Variants in RNF19A observed in about 807,000 individuals in gnomAD.
The protein encoded by RNF19A is E3 ubiquitin-protein ligase RNF19A.
RNF19A carries 32 observed loss-of-function variants against 75.7 expected under a neutral mutation model. That is an observed-to-expected ratio of 0.42 (90% CI 0.32 to 0.57). The LOEUF (loss-of-function observed/expected upper bound fraction) is 0.57, where lower values mean the gene tolerates loss of function less well. RNF19A is among the 20% of genes least tolerant of loss of function. RNF19A has a pLI of 0.10. For synonymous variants in RNF19A, 335 were observed against 345.2 expected, an observed-to-expected ratio of 0.97 and a Z score of 0.33; for missense variants, 782 against 1,036.3, an observed-to-expected ratio of 0.75 and a Z score of 3.37.
At position 100,259,154 on chromosome 8, in the gene RNF19A, C is replaced by T. The variant is rs1402759319; in HGVS notation, c.1919G>A (p.Ser640Asn). ...NSGSSSVDDGSATRSHAGGSS... is the reference protein window; with the variant it reads ...NSGSSSVDDGNATRSHAGGSS... ...ACCGCCAGCATGACTTCGGGTGGCACTGCCATCATCCACACTACTGCTTCC... is the reference window on the plus strand; with the variant it reads ...ACCGCCAGCATGACTTCGGGTGGCATTGCCATCATCCACACTACTGCTTCC... Residue 640 changes from serine to asparagine, a missense_variant, in exon 10 of 10, where the codon AGT becomes AAT. Ser to Asn is a conservative substitution (Grantham distance 46, BLOSUM62 1). This residue lies in a region of RNF19A where 442 missense variants were observed against 541.6 expected (regional missense o/e 0.82). Transcript: ENST00000341084. The surrounding 1 kb of genome is among the most constrained non-coding windows in gnomAD (Gnocchi z 4.5). 1.2e-6 allele frequency: 2 copies of T among 1,614,052 alleles called. No homozygotes were observed. Among genetic ancestry groups the T allele is most frequent in the East Asian group, 2.2e-5 (1 of 44,902 alleles).
chr8:100,275,232 A>T lies in RNF19A; in HGVS notation c.675-71T>A. 2 of 1,320,806 alleles carry T rather than the reference A, an allele frequency of 1.5e-6. No individual in the cohort carries two copies. Among genetic ancestry groups the T allele is most frequent in the Non-Finnish European group, 2.2e-6 (2 of 928,904 alleles). 81.8% of individuals were successfully genotyped at this position (1,320,806 alleles called of 1,614,324 possible). ...AGATACTCATTTCAAAAAGTATCCA[A>T]CTAAAGATTATTCCTGAAAAACATT... On this transcript the variant is annotated intron_variant, in intron 2 of 9. Transcript: ENST00000341084. This position sits in a 1 kb window ranked among gnomAD's most constrained non-coding sequence, Gnocchi z 4.3.
At position 100,288,144 on chromosome 8, in the gene RNF19A, T is replaced by C. The variant is rs1482977965; in HGVS notation, c.31A>G (p.Lys11Glu). Residue 11 changes from lysine (K) to glutamate (E), a missense_variant, in exon 2 of 10, where the codon AAA becomes GAA. Lys to Glu is a moderately conservative substitution (Grantham distance 56). Transcript: ENST00000341084. ...TTTACACACAGCCCTTCATTATATT[T>C]AGAGATAAAACCTATTTCTTGTTCT... MQEQEIGFIS[K>E]YNEGLCVNTD... 2 of 1,610,662 alleles carry C rather than the reference T, an allele frequency of 1.2e-6. No individual in the cohort carries two copies. Among genetic ancestry groups the C allele is most frequent in the East Asian group, 2.2e-5 (1 of 44,848 alleles).
At chr8:100,305,784 C>G (rs1286801155) in intron 1 of RNF19A, among the ~76,000 whole-genome samples, 1 of 152,204 alleles carries the variant, frequency 6.6e-6, no homozygotes, top group Non-Finnish European at 1.5e-5. Flanking sequence ...TCCTATACTT[C>G]TGCACATTTC....
In RNF19A at chr8:100,324,886, T is replaced by TC. The variant is rs1437776532; in HGVS notation, c.-243+11221_-243+11222insG. Among the ~76,000 whole-genome samples the TC allele has an allele frequency of 8.3e-5, 9 of 108,844 alleles. No individual in the cohort carries two copies. The highest frequency in any genetic ancestry group is 3.7e-4 in the African/African-American group (8 of 21,646). 71.4% of individuals were successfully genotyped at this position (108,844 alleles called of 152,430 possible). ...TCTCTCTTTCTCTTTTTTTTCTTTC[T>TC]TTCTCTCTCTCTCTTTCTCTCTTTC... On this transcript the variant is annotated intron_variant, in intron 1 of 3. Transcript: ENST00000519527. The surrounding 1 kb of genome is among the most constrained non-coding windows in gnomAD (Gnocchi z 4.2).
At chr8:100,286,420 T>C (rs1234144865) in intron 2 of RNF19A, among the ~76,000 whole-genome samples, 1 of 152,250 alleles carries the variant, frequency 6.6e-6, no homozygotes, top group Admixed American at 6.5e-5. Context: ...ATACAACTAA[T>C]TCATAAAATA....
Position 100,259,410 on chromosome 8 carries a change from C to G in RNF19A, c.1827-164G>C, listed in dbSNP as rs1303630641. On this transcript the variant is annotated intron_variant, in intron 9 of 9. Coordinates refer to ENST00000341084, the MANE Select transcript of RNF19A (RefSeq NM_183419.4). This position sits in a 1 kb window ranked among gnomAD's most constrained non-coding sequence, Gnocchi z 4.5. ...AAAAAACATACTTGATATAACAGAA[C>G]TCTTTATAATGCTTCAATGTTTTAA... The G allele has an allele frequency of 1.6e-6, 1 of 612,746 alleles. No individual in the cohort carries two copies. Among genetic ancestry groups the G allele is most frequent in the East Asian group, 2.8e-5 (1 of 36,300 alleles). 38.0% of individuals were successfully genotyped at this position (612,746 alleles called of 1,614,324 possible).
chr8:100,290,322 G>A (rs750368550), intron 1 of RNF19A, among the ~76,000 whole-genome samples: 1 of 152,112 alleles, frequency 6.6e-6, no homozygotes, highest in Non-Finnish European at 1.5e-5. Flanking sequence ...GGCTGGCCTC[G>A]AACTCCTGAC....
chr8:100,264,166 C>T lies in RNF19A; in HGVS notation c.1336G>A (p.Val446Ile), dbSNP rs1213502213. The T allele has an allele frequency of 1.2e-6, 2 of 1,612,904 alleles. No individual in the cohort carries two copies. Among genetic ancestry groups the T allele is most frequent in the East Asian group, 2.2e-5 (1 of 44,878 alleles). Residue 446 changes from valine (V) to isoleucine (I), a missense_variant, in exon 7 of 10, where the codon GTC (valine) becomes ATC (isoleucine). Val to Ile is a conservative substitution (Grantham distance 29). Coordinates refer to ENST00000341084, the MANE Select transcript of RNF19A (RefSeq NM_183419.4). The surrounding 1 kb of genome is among the most constrained non-coding windows in gnomAD (Gnocchi z 4.7). ...AGAGAAATTGGAACTACGCCATAGA[C>T]ATAAGCTAACATAATAGGAACACCG... ...GIGVPIMLAYVYGVVPISLCR... is the reference protein window; with the variant it reads ...GIGVPIMLAYIYGVVPISLCR...
chr8:100,279,755 G>A (rs184431112), intron 2 of RNF19A, among the ~76,000 whole-genome samples: 1 of 152,096 alleles, frequency 6.6e-6, no homozygotes, highest in Non-Finnish European at 1.5e-5. Flanking sequence ...TCGAACTCCA[G>A]ACCTCAAGTG....
Position 100,329,467 on chromosome 8 carries a change from A to T in RNF19A, c.-243+6641T>A, listed in dbSNP as rs929761603. Among the ~76,000 whole-genome samples the T allele has an allele frequency of 5.3e-5, 8 of 152,226 alleles. No individual in the cohort carries two copies. Among genetic ancestry groups the T allele is most frequent in the African/African-American group, 1.9e-4 (8 of 41,462 alleles). On this transcript the variant is annotated intron_variant, in intron 1 of 3. Coordinates refer to the RNF19A transcript ENST00000519527. This position sits in a 1 kb window ranked among gnomAD's most constrained non-coding sequence, Gnocchi z 4.3. Reference sequence around the variant, plus strand: ...ACAAAACAAACAAACAAACAAAAAAAGTCAGTGAATCTTAGGTTGCATTAG... The same window carrying T: ...ACAAAACAAACAAACAAACAAAAAATGTCAGTGAATCTTAGGTTGCATTAG...
chr8:100,312,671 C>T (rs1213187176), upstream of RNF19A, among the ~76,000 whole-genome samples: 1 of 152,180 alleles, frequency 6.6e-6, no homozygotes, highest in Non-Finnish European at 1.5e-5. Context: ...CGCCTGTAAT[C>T]CCGGCACTTT....
chr8:100,304,842 G>C (rs1822000669), intron 1 of RNF19A, among the ~76,000 whole-genome samples: 2 of 152,158 alleles, frequency 1.3e-5, no homozygotes, highest in African/African-American at 4.8e-5. Flanking sequence ...AATAATTAGA[G>C]GATCTCTTTT....
chr8:100,315,818 T>C (rs1345727788), intron 1 of RNF19A, among the ~76,000 whole-genome samples: 1 of 152,196 alleles, frequency 6.6e-6, no homozygotes, highest in Non-Finnish European at 1.5e-5. Context: ...TAATCTTGCT[T>C]GTTAAAATAG....
In RNF19A at chr8:100,288,261, G is replaced by C; in HGVS notation, c.-87C>G. 7.3e-7 allele frequency: 1 copy of C among 1,368,756 alleles called. No homozygotes were observed. Among genetic ancestry groups the C allele is most frequent in the Non-Finnish European group, 9.4e-7 (1 of 1,059,906 alleles). The allele number at this position is 1,368,756 out of a possible 1,614,324, so 84.8% of individuals were successfully genotyped here. On this transcript the variant is annotated 5_prime_UTR_variant, in exon 2 of 10. Coordinates refer to ENST00000341084, the MANE Select transcript of RNF19A (RefSeq NM_183419.4). ...TCGATTTACAGAAGACTGCTATCAT[G>C]GATGTTCTGAAAAATAAAAAATAAA...
Position 100,331,646 on chromosome 8 carries a change from CA to C in RNF19A, c.-243+4461del, listed in dbSNP as rs1404370893. Among the ~76,000 whole-genome samples the C allele has an allele frequency of 1.3e-5, 2 of 151,974 alleles. No homozygotes were observed. The highest frequency in any genetic ancestry group is 6.6e-5 in the Admixed American group (1 of 15,258). On this transcript the variant is annotated intron_variant, in intron 1 of 3. Coordinates refer to the RNF19A transcript ENST00000519527. This position sits in a 1 kb window ranked among gnomAD's most constrained non-coding sequence, Gnocchi z 5.2. ...AGAGAGACAAACAAACAAAACAAAA[CA>C]AAAACCAGATATACGGCGCAAAATT...
Position 100,260,942 on chromosome 8 carries a change from T to C in RNF19A, c.1682+600A>G, listed in dbSNP as rs1007727642. Among the ~76,000 whole-genome samples, 1 of 152,196 alleles carries C rather than the reference T, an allele frequency of 6.6e-6. No individual in the cohort carries two copies. ...AGTCCCATCTCCTAATATCTGGCTG[T>C]TGTTACCCACAGAGGTAAGATCTAG... On this transcript the variant is annotated intron_variant, in intron 8 of 9. Transcript: ENST00000341084. This position sits in a 1 kb window ranked among gnomAD's most constrained non-coding sequence, Gnocchi z 4.1.
chr8:100,273,043 T>A (rs1230652733), intron 3 of RNF19A, among the ~76,000 whole-genome samples: 1 of 152,028 alleles, frequency 6.6e-6, no homozygotes, highest in Non-Finnish European at 1.5e-5. Flanking sequence ...TTTTTTAAAT[T>A]TTTTGTAGAG....
chr8:100,307,646 C>T (rs1822115113), intron 1 of RNF19A, among the ~76,000 whole-genome samples: 1 of 151,830 alleles, frequency 6.6e-6, no homozygotes, highest in Admixed American at 6.6e-5. Context: ...TTTAATTACC[C>T]ATATTTAATT....
At chr8:100,304,924 A>G (rs1309283719) in intron 1 of RNF19A, among the ~76,000 whole-genome samples, 1 of 152,186 alleles carries the variant, frequency 6.6e-6, no homozygotes, top group Non-Finnish European at 1.5e-5. Context: ...AATGAAAAAG[A>G]TGATGAATAT....
Sources: allele counts gnomAD v4.1 joint callset (sites outside exome capture counted in the v4.1 genomes callset), GRCh38; gene constraint gnomAD v4.1.1; regional missense constraint gnomAD v4.1.1; non-coding constraint Gnocchi (gnomAD v3.1); transcripts MANE v1.5; gene names NCBI Gene and HGNC (gene_info 2026-07-23, HGNC 2026-07-21).